The following C11orf65 variants were observed in gnomAD, a reference collection of about 807,000 sequenced individuals.
The protein encoded by C11orf65 is protein MFI.
A neutral mutation model predicts 35.3 loss-of-function variants in C11orf65; 38 were observed. The observed-to-expected ratio is 1.08, with a 90% CI of 0.83 to 1.41. The LOEUF (loss-of-function observed/expected upper bound fraction) is 1.41, where lower values mean the gene tolerates loss of function less well. Ranked by LOEUF, C11orf65 falls within the 40% of genes most tolerant of loss-of-function variation. The pLI is 0.00. For synonymous variants in C11orf65, 105 were observed against 114.4 expected (o/e 0.92, Z 0.53); for missense variants, 370 against 367.1 (o/e 1.01, Z -0.06).
At chr11:108,386,555 G>A (rs929798429) in intron 7 of C11orf65, among the ~76,000 whole-genome samples, 3 of 152,176 alleles carry the variant, frequency 2.0e-5, no homozygotes, top group Admixed American at 6.5e-5. Context: ...ATAGAGAGAC[G>A]AGGGTTGCCT....
At chr11:108,325,865 GAGACAGAC>G (rs990484566) in intron 6 of C11orf65, among the ~76,000 whole-genome samples, 94 of 152,212 alleles carry the variant, frequency 6.2e-4, no homozygotes, top group African/African-American at 2.1e-3. Flanking sequence ...CATATAGAGA[GAGACAGAC>G]AGACAGACAG....
intron 2 of C11orf65, among the ~76,000 whole-genome samples, chr11:108,450,316 C>A (rs1453962573): frequency 6.6e-6 from 1 of 151,554 alleles, no homozygotes; most frequent in Non-Finnish European, 1.5e-5. Flanking sequence ...TATAAAGACA[C>A]ATGCACACGT....
At chr11:108,387,067 G>A (rs1565632261) in intron 7 of C11orf65, among the ~76,000 whole-genome samples, 3 of 149,026 alleles carry the variant, frequency 2.0e-5, no homozygotes, top group Admixed American at 6.7e-5. Context: ...GGGTGACAGA[G>A]CGAGATCTCA....
intron 2 of C11orf65, among the ~76,000 whole-genome samples, chr11:108,442,660 G>A (rs900608966): frequency 6.6e-6 from 1 of 152,110 alleles, no homozygotes; most frequent in African/African-American, 2.4e-5. Flanking sequence ...AAGACAGTGG[G>A]GGCCAATATT....
chr11:108,357,137 C>G (rs977917464), intron 2 of C11orf65, among the ~76,000 whole-genome samples: 4 of 152,210 alleles, frequency 2.6e-5, no homozygotes, highest in African/African-American at 9.7e-5. Flanking sequence ...ACTTGGGAAG[C>G]GCAAGGGTCA....
downstream of C11orf65, chr11:108,331,163 T>C: frequency 8.9e-7 from 1 of 1,124,516 alleles, no homozygotes; most frequent in Non-Finnish European, 1.1e-6. Flanking sequence ...ACATTTGTCT[T>C]CCTTAGATTT....
Position 108,393,361 on chromosome 11 carries a change from A to T in C11orf65, c.578T>A (p.Leu193Gln). 2 of 1,613,958 alleles carry T rather than the reference A, an allele frequency of 1.2e-6. No individual in the cohort carries two copies. Among genetic ancestry groups the T allele is most frequent in the South Asian group, 2.2e-5 (2 of 91,060 alleles). The change falls in exon 7 of 9, where the codon CTG becomes CAG. Residue 193 changes from leucine (L) to glutamine (Q), a missense_variant. Leu to Gln is a moderately radical substitution (Grantham distance 113). Transcript: ENST00000393084. The stretch of plus-strand genomic sequence containing the variant: ...TTCATGATGTGTTGACTTAGCCTCC[A>T]GACTTCCTGAGTAGTACCTAAATAG... Reference protein sequence around the residue: ...WMRQMYYSGSLEAKSTHHETL... With the variant: ...WMRQMYYSGSQEAKSTHHETL...
rs1441150092 is a variant in C11orf65, at chr11:108,345,729, T to C, written c.227-10437A>G. The C allele has an allele frequency of 6.5e-7, 1 of 1,547,668 alleles. No homozygotes were observed. The highest frequency in any genetic ancestry group is 1.7e-5 in the Admixed American group (1 of 57,594). On this transcript the variant is annotated intron_variant, in intron 2 of 3. Transcript: ENST00000524755. ...CAATATTGAAAAATAATTATATATA[T>C]TCTCTATTTAAAGGAGGTGCAAAAA...
chr11:108,402,093 A>C (rs1028237247), intron 6 of C11orf65, among the ~76,000 whole-genome samples: 3 of 152,094 alleles, frequency 2.0e-5, no homozygotes, highest in Non-Finnish European at 4.4e-5. Flanking sequence ...TGGACCTTGT[A>C]CCTCTGTCTG....
At position 108,437,755 on chromosome 11, in the gene C11orf65, C is replaced by T. The variant is rs535118133; in HGVS notation, c.82-5917G>A. Among the ~76,000 whole-genome samples, 128 of 88,120 alleles carry T rather than the reference C, an allele frequency of 1.5e-3. 1 individual carries two copies. The highest frequency in any genetic ancestry group is 1.6e-3 in the Non-Finnish European group (68 of 41,992). The allele number at this position is 88,120 out of a possible 152,430, so 57.8% of individuals were successfully genotyped here. A position where few individuals can be genotyped will look rare whatever the true frequency, so the allele number is the denominator to read the frequency against. ...AAAAAAAAAGGATAAGGAAATTAAA[C>T]GGAAAAACACCCCACATTCACAGAT... On this transcript the variant is annotated intron_variant, in intron 2 of 8. Coordinates refer to ENST00000393084, the MANE Select transcript of C11orf65 (RefSeq NM_152587.5).
chr11:108,438,130 G>A (rs60008960), intron 2 of C11orf65, among the ~76,000 whole-genome samples: 1 of 152,056 alleles, frequency 6.6e-6, no homozygotes, highest in Non-Finnish European at 1.5e-5. Context: ...TTTGACAAGG[G>A]TTTCAAAACC....
intron 2 of C11orf65, chr11:108,354,928 T>A (rs2137361096): frequency 6.9e-7 from 1 of 1,454,630 alleles, no homozygotes; most frequent in Non-Finnish European, 9.6e-7. Context: ...GTAGACTGTG[T>A]ATCTCATCAG....
Position 108,374,606 on chromosome 11 carries a change from C to T in C11orf65, c.226+18602G>A, listed in dbSNP as rs577254010. Among the ~76,000 whole-genome samples the T allele has an allele frequency of 2.0e-5, 3 of 152,312 alleles. No individual in the cohort carries two copies. The South Asian group carries it at 6.2e-4, about 32-fold the overall frequency. ...TCTCCTCCTCCAAAGGAACGCAGTT[C>T]CTTACCAGCAATGGAACAAAGCTGG... is the stretch of plus-strand genomic sequence containing the variant. On this transcript the variant is annotated intron_variant, in intron 2 of 3. Coordinates refer to the C11orf65 transcript ENST00000524755.
intron 2 of C11orf65, among the ~76,000 whole-genome samples, chr11:108,441,238 G>A (rs11212636): frequency 0.4 from 60,097 of 152,080 alleles, 12,436 homozygotes; most frequent in Middle Eastern, 0.65. Context: ...ACAGCAGTCT[G>A]AGATTGAACT....
In C11orf65 at chr11:108,317,494, T is replaced by C. The variant is rs1555114792; in HGVS notation, c.641-8423A>G. ...CATTACCAAGCAGCATGGAGGAATA[T>C]GCAGTGGGACCATTGCACTTCCGTC... On this transcript the variant is annotated intron_variant, in intron 6 of 6. Transcript: ENST00000525729. The C allele has an allele frequency of 2.5e-6, 4 of 1,611,758 alleles. No homozygotes were observed. The highest frequency in any genetic ancestry group is 3.4e-6 in the Non-Finnish European group (4 of 1,179,146).
chr11:108,336,235 T>C (rs762016570), intron 2 of C11orf65: 1 of 368,702 alleles, frequency 2.7e-6, no homozygotes, highest in Non-Finnish European at 5.1e-6. Context: ...AGTCCAGGAG[T>C]TTGAGGCTGC....
At chr11:108,393,121 C>T in intron 7 of C11orf65, 87 bp downstream of exon 7, 1 of 1,366,334 alleles carries the variant, frequency 7.3e-7, no homozygotes, top group African/African-American at 1.4e-5. Context: ...TTGTTTGTGG[C>T]CCCAAGATTC....
chr11:108,377,145 C>A lies in C11orf65; in HGVS notation c.226+16063G>T, dbSNP rs899085900. On this transcript the variant is annotated intron_variant, in intron 2 of 3. Transcript: ENST00000524755. ...ACTCATTTTATGAGGCCAGCATCAT[C>A]CTGATACCAAAGCCGAGCAGAGACA... Among the ~76,000 whole-genome samples the A allele has an allele frequency of 4.6e-5, 7 of 151,312 alleles. No individual in the cohort carries two copies. The East Asian group carries it at 1.2e-3, about 25-fold the overall frequency.
intron 5 of C11orf65, among the ~76,000 whole-genome samples, 173 bp downstream of exon 5, chr11:108,406,590 T>C (rs548460665): frequency 6.6e-6 from 1 of 152,280 alleles, no homozygotes; most frequent in East Asian, 1.9e-4. Flanking sequence ...AAAAGATAAA[T>C]TGCTGTGCCT....
Sources: gnomAD v4.1 joint callset for allele counts (sites outside exome capture counted in the v4.1 genomes callset) on GRCh38, gnomAD v4.1.1 for gene constraint, MANE v1.5 for transcripts, NCBI Gene and HGNC (gene_info 2026-07-23, HGNC 2026-07-21) for gene names.